BTBD8: variants seen among roughly 807,000 people sequenced by gnomAD.
BTBD8 encodes the protein BTB domain containing 8, also known as BTB/POZ domain-containing protein 8.
BTBD8 carries 110 observed loss-of-function variants against 162.9 expected under a neutral mutation model. The observed-to-expected ratio is 0.68, with a 90% CI of 0.58 to 0.79. The LOEUF (loss-of-function observed/expected upper bound fraction) is 0.79, where lower values mean the gene tolerates loss of function less well. BTBD8 is among the 30% of genes least tolerant of loss of function. The probability of loss-of-function intolerance (pLI) is 0.00; values close to 1 mark genes in which losing one functional copy is unlikely to be tolerated. For synonymous variants in BTBD8, 667 were observed against 716.1 expected, an observed-to-expected ratio of 0.93 and a Z score of 1.10; for missense variants, 1,905 against 2,085.4, an observed-to-expected ratio of 0.91 and a Z score of 1.68.
At chr1:92,089,127 G>C (rs1350374393) in intron 2 of BTBD8, among the ~76,000 whole-genome samples, 1 of 152,034 alleles carries the variant, frequency 6.6e-6, no homozygotes, top group Non-Finnish European at 1.5e-5. Flanking sequence ...CTTAGTACTG[G>C]TAGAGGCTAA....
intron 5 of BTBD8, among the ~76,000 whole-genome samples, chr1:92,134,004 A>T (rs1649572520): frequency 6.6e-6 from 1 of 151,794 alleles, no homozygotes; most frequent in Admixed American, 6.6e-5. Context: ...TCCTAGTTCC[A>T]TCCATGCCCC....
chr1:92,103,903 A>G (rs1396454423), intron 3 of BTBD8, among the ~76,000 whole-genome samples: 1 of 152,190 alleles, frequency 6.6e-6, no homozygotes. Context: ...ATTCATAGAA[A>G]AGTGTCTCCC....
chr1:92,093,365 T>G (rs1648367545), intron 2 of BTBD8, among the ~76,000 whole-genome samples: 1 of 152,008 alleles, frequency 6.6e-6, no homozygotes, highest in Non-Finnish European at 1.5e-5. Context: ...GCTAATTTTG[T>G]ATTTTTAGTA....
chr1:92,084,019 G>A lies in BTBD8; in HGVS notation c.149+3299G>A, dbSNP rs983944440. ...GGAAATATGTCTGGAGTAGAGGAGG[G>A]GAGTTTGACTAGCAGATTGGTAGTA... On this transcript the variant is annotated intron_variant, in intron 1 of 17. Transcript: ENST00000636805. Among the ~76,000 whole-genome samples, 3 of 152,056 alleles carry A rather than the reference G, an allele frequency of 2.0e-5. No individual in the cohort carries two copies. The South Asian group carries it at 6.2e-4, about 32-fold the overall frequency.
chr1:92,155,297 A>G (rs549840896), intron 9 of BTBD8, among the ~76,000 whole-genome samples: 34 of 152,334 alleles, frequency 2.2e-4, no homozygotes, highest in Non-Finnish European at 3.8e-4. Context: ...AAAAAATGCA[A>G]TCAAGATTTT....
intron 13 of BTBD8, among the ~76,000 whole-genome samples, chr1:92,172,647 G>T (rs1340887019): frequency 1.3e-5 from 2 of 152,204 alleles, no homozygotes; most frequent in African/African-American, 2.4e-5. Context: ...GAGAGTTCCA[G>T]TTTGGAATGC....
In BTBD8 at chr1:92,098,833, T is replaced by C. The variant is rs191994004; in HGVS notation, c.348-3640T>C. The stretch of plus-strand genomic sequence containing the variant: ...TATATACTGGAATACTAGACTCTTA[T>C]CAGACATGATTTGCAGAAGTTTTCT... On this transcript the variant is annotated intron_variant, in intron 2 of 17. Coordinates refer to ENST00000636805, the MANE Select transcript of BTBD8 (RefSeq NM_001376131.1). 1.3e-3 allele frequency among the ~76,000 whole-genome samples: 194 copies of C among 152,348 alleles called. 1 individual carries two copies. Among genetic ancestry groups the C allele is most frequent in the Non-Finnish European group, 8.8e-4 (60 of 68,036 alleles).
chr1:92,096,768 G>A (rs1648463907), intron 2 of BTBD8, among the ~76,000 whole-genome samples: 1 of 151,892 alleles, frequency 6.6e-6, no homozygotes, highest in Non-Finnish European at 1.5e-5. Flanking sequence ...GAATTCCTGG[G>A]CTTAAGCAGT....
At chr1:92,149,775 TTCTCTTAC>T (rs970014227) in intron 9 of BTBD8, among the ~76,000 whole-genome samples, 16 of 152,166 alleles carry the variant, frequency 1.1e-4, no homozygotes, top group Admixed American at 2.0e-4. Context: ...CTCCTTCAGC[TTCTCTTAC>T]TCCGGGCCAG....
chr1:92,126,438 A>G, intron 4 of BTBD8: 1 of 914,564 alleles, frequency 1.1e-6, no homozygotes, highest in Non-Finnish European at 1.7e-6. Flanking sequence ...AACATCCAGC[A>G]GTACAACAGT....
rs115111997 is a variant in BTBD8 at position 92,109,199 on chromosome 1, A to G, written c.662+1198A>G. 8.5e-3 allele frequency among the ~76,000 whole-genome samples: 1,290 copies of G among 150,992 alleles called. 23 individuals carry two copies. Among genetic ancestry groups the G allele is most frequent in the African/African-American group, 0.029 (1,200 of 41,146 alleles). ...ACATTATATTTTCCGTATCATGGGT[A>G]TATTTCCTAAATCATGGTGTGGGTG... On this transcript the variant is annotated intron_variant, in intron 4 of 17. Transcript: ENST00000636805.
chr1:92,121,626 T>G (rs7545076), intron 4 of BTBD8, among the ~76,000 whole-genome samples: 111,630 of 151,986 alleles, frequency 0.73, 42,060 homozygotes, highest in East Asian at 0.97. Flanking sequence ...AGTCCAGTTC[T>G]ATGAATTTTG....
At chr1:92,126,518 G>A (rs1649364745) in intron 4 of BTBD8, 1 of 573,316 alleles carries the variant, frequency 1.7e-6, no homozygotes, top group Non-Finnish European at 3.3e-6. Flanking sequence ...CTTCACTCAT[G>A]CAGACCGCTT....
intron 9 of BTBD8, among the ~76,000 whole-genome samples, chr1:92,153,401 A>G (rs1016728093): frequency 6.6e-6 from 1 of 152,130 alleles, no homozygotes; most frequent in African/African-American, 2.4e-5. Flanking sequence ...TTAACATGGT[A>G]TCTATGCTCT....
At chr1:92,175,807 A>C (rs1294716565) in intron 13 of BTBD8, among the ~76,000 whole-genome samples, 1 of 152,084 alleles carries the variant, frequency 6.6e-6, no homozygotes, top group Non-Finnish European at 1.5e-5. Flanking sequence ...AAAAGAAAGA[A>C]AAAAGAAAGA....
chr1:92,184,009 T>C lies in BTBD8; in HGVS notation c.5058T>C (p.Asp1686=). The C allele has an allele frequency of 1.9e-6, 3 of 1,551,606 alleles. No individual in the cohort carries two copies. The highest frequency in any genetic ancestry group is 1.7e-6 in the Non-Finnish European group (2 of 1,146,882). Residue 1686 remains aspartate, a synonymous_variant, in exon 18 of 18, where the codon GAT becomes GAC. Coordinates refer to ENST00000636805, the MANE Select transcript of BTBD8 (RefSeq NM_001376131.1). Reference sequence around the variant, plus strand: ...CAGAAACACATGTTACAGATATGGATTTTGAAGATGACCAACATTTTGCAA... The same window carrying C: ...CAGAAACACATGTTACAGATATGGACTTTGAAGATGACCAACATTTTGCAA... ...VESETHVTDM[D]FEDDQHFAKQ... is the part of the protein sequence containing the mutation.
At chr1:92,104,150 T>C (rs1177605667) in intron 3 of BTBD8, among the ~76,000 whole-genome samples, 1 of 152,238 alleles carries the variant, frequency 6.6e-6, no homozygotes, top group African/African-American at 2.4e-5. Flanking sequence ...CCCTAATACA[T>C]GAATTGTATT....
chr1:92,085,230 C>G (rs535050048), intron 1 of BTBD8, among the ~76,000 whole-genome samples: 2 of 152,336 alleles, frequency 1.3e-5, no homozygotes, highest in South Asian at 4.1e-4. Flanking sequence ...GTTTTATCGG[C>G]AGTGTAAATT....
chr1:92,141,999 A>G (rs1485592882), intron 7 of BTBD8, among the ~76,000 whole-genome samples: 1 of 152,174 alleles, frequency 6.6e-6, no homozygotes, highest in East Asian at 1.9e-4. Context: ...TGTTTTGGGT[A>G]GGTCTTTTTC....
Sources: gnomAD v4.1 joint callset for allele counts (sites outside exome capture counted in the v4.1 genomes callset) on GRCh38, gnomAD v4.1.1 for gene constraint, MANE v1.5 for transcripts, NCBI Gene and HGNC (gene_info 2026-07-23, HGNC 2026-07-21) for gene names.